Variants in CACNA2D3 observed in about 807,000 individuals in gnomAD.
CACNA2D3 encodes the protein voltage-dependent calcium channel subunit alpha-2/delta-3.
Under a neutral mutation model 160.6 loss-of-function variants are expected in CACNA2D3, and 60 were observed. The observed-to-expected ratio is 0.37, with a 90% CI of 0.30 to 0.46. The LOEUF (loss-of-function observed/expected upper bound fraction) is 0.46. Among genes scored for constraint, CACNA2D3 ranks in the 20% least tolerant of loss-of-function variants. The probability of loss-of-function intolerance (pLI) is 1.00; values close to 1 mark genes in which losing one functional copy is unlikely to be tolerated. For missense variants in CACNA2D3, 1,205 were observed against 1,365.0 expected (o/e 0.88, Z 1.85); for synonymous variants, 558 against 492.9 (o/e 1.13, Z -1.75).
At chr3:54,631,372 CTT>C (rs1699235090) in intron 10 of CACNA2D3, among the ~76,000 whole-genome samples, 1 of 152,174 alleles carries the variant, frequency 6.6e-6, no homozygotes, top group African/African-American at 2.4e-5. Flanking sequence ...TAGCTAAACT[CTT>C]TGACAAACAC....
chr3:54,511,607 T>G (rs114464300), intron 5 of CACNA2D3, among the ~76,000 whole-genome samples: 2,228 of 152,312 alleles, frequency 0.015, 41 homozygotes, highest in Middle Eastern at 0.065. Flanking sequence ...TTTAATCTCT[T>G]TTTTCAAAGG....
intron 5 of CACNA2D3, among the ~76,000 whole-genome samples, chr3:54,507,369 G>C (rs746580544): frequency 3.3e-5 from 5 of 152,112 alleles, no homozygotes; most frequent in Middle Eastern, 6.8e-3. Flanking sequence ...TTATTCCTCT[G>C]CTCTAGCATT....
intron 13 of CACNA2D3, among the ~76,000 whole-genome samples, chr3:54,815,200 A>C (rs1010301452): frequency 2.6e-5 from 4 of 152,184 alleles, no homozygotes; most frequent in Non-Finnish European, 4.4e-5. Flanking sequence ...AAGTAGGAGG[A>C]ACAAATCAGG....
intron 13 of CACNA2D3, among the ~76,000 whole-genome samples, chr3:54,794,721 G>T (rs1282847024): frequency 1.3e-5 from 2 of 151,476 alleles, no homozygotes; most frequent in African/African-American, 4.9e-5. Context: ...GAAAGTGGCT[G>T]CTCTAGGGTC....
intron 4 of CACNA2D3, among the ~76,000 whole-genome samples, chr3:54,446,609 A>G (rs1475401986): frequency 1.3e-5 from 2 of 151,936 alleles, no homozygotes; most frequent in African/African-American, 4.8e-5. Context: ...TTTTTCCCTT[A>G]AGGAGTACTG....
Position 54,130,892 on chromosome 3 carries a change from A to C in CACNA2D3, c.204+7298A>C, listed in dbSNP as rs558892946. 2.0e-5 allele frequency among the ~76,000 whole-genome samples: 3 copies of C among 152,348 alleles called. No homozygotes were observed. In the East Asian group the frequency reaches 5.8e-4, roughly 29 times the overall value. On this transcript the variant is annotated intron_variant, in intron 2 of 37. Transcript: ENST00000474759. ...TTGGAGTCAGATGGGCTTGGATTTGAGTCCCAGATCTGACATTTCCTCTTC... is the reference window on the plus strand; with the variant it reads ...TTGGAGTCAGATGGGCTTGGATTTGCGTCCCAGATCTGACATTTCCTCTTC...
chr3:54,324,999 A>C (rs972649420), intron 3 of CACNA2D3, among the ~76,000 whole-genome samples: 2 of 152,122 alleles, frequency 1.3e-5, no homozygotes, highest in African/African-American at 4.8e-5. Flanking sequence ...ATGTACCCTG[A>C]TTTGAGGGGA....
chr3:54,474,285 A>T lies in CACNA2D3; in HGVS notation c.382-29207A>T, dbSNP rs143809395. Among the ~76,000 whole-genome samples, 89 of 152,292 alleles carry T rather than the reference A, an allele frequency of 5.8e-4. 1 individual carries two copies. The highest frequency in any genetic ancestry group is 2.1e-3 in the African/African-American group (86 of 41,556). On this transcript the variant is annotated intron_variant, in intron 4 of 37. Transcript: ENST00000474759. Reference sequence around the variant, plus strand: ...AAGCTGGAAACCATCATTCTCAGCAAACTAACACGGGAACTGAAAACCAAA... The same window carrying T: ...AAGCTGGAAACCATCATTCTCAGCATACTAACACGGGAACTGAAAACCAAA...
intron 4 of CACNA2D3, among the ~76,000 whole-genome samples, chr3:54,453,685 C>G (rs1420702902): frequency 6.6e-6 from 1 of 152,152 alleles, no homozygotes; most frequent in African/African-American, 2.4e-5. Context: ...TCTCTCAATT[C>G]CTTCTTCCTC....
chr3:54,882,277 C>T (rs1163395923), intron 21 of CACNA2D3, among the ~76,000 whole-genome samples: 1 of 152,182 alleles, frequency 6.6e-6, no homozygotes. Flanking sequence ...AACTCATGGT[C>T]AGAACAATAG....
intron 11 of CACNA2D3, among the ~76,000 whole-genome samples, chr3:54,708,289 C>G (rs761959111): frequency 6.6e-6 from 1 of 152,076 alleles, no homozygotes; most frequent in Non-Finnish European, 1.5e-5. Flanking sequence ...AAGGTGTTAT[C>G]GAATTTGATG....
At position 54,503,624 on chromosome 3, in the gene CACNA2D3, G is replaced by A. The variant is rs1559499465; in HGVS notation, c.514G>A (p.Val172Ile). The change falls in exon 5 of 38, where the codon GTC (valine) becomes ATC (isoleucine). Residue 172 changes from valine to isoleucine, a missense_variant. Transcript: ENST00000474759. ...GCCTGTGAACATCAGTCTAAGTGAC[G>A]TCCAAGTACCAACGAACATGTACAA... The part of the protein sequence containing the change: ...NLPVNISLSD[V>I]QVPTNMYNKD... 3.1e-6 allele frequency: 5 copies of A among 1,613,864 alleles called. No individual in the cohort carries two copies. Among genetic ancestry groups the A allele is most frequent in the East Asian group, 2.2e-5 (1 of 44,878 alleles).
rs58859834 is a variant in CACNA2D3 at position 54,274,988 on chromosome 3, A to G, written c.205-45454A>G. ...AGGTCTAACCCACACTCATGGGAAGAGGGTTGCACAAAGGCATAAAGACCA... is the reference window on the plus strand; with the variant it reads ...AGGTCTAACCCACACTCATGGGAAGGGGGTTGCACAAAGGCATAAAGACCA... On this transcript the variant is annotated intron_variant, in intron 2 of 37. Transcript: ENST00000474759. 2.0e-3 allele frequency among the ~76,000 whole-genome samples: 310 copies of G among 152,346 alleles called. 3 individuals are homozygous for G. The East Asian group carries it at 0.024, about 12-fold the overall frequency.
rs527634302 is a variant in CACNA2D3, at chr3:54,882,738, A to G, written c.1912+1875A>G. 1.1e-4 allele frequency among the ~76,000 whole-genome samples: 17 copies of G among 152,272 alleles called. No individual in the cohort carries two copies. In the South Asian group the frequency reaches 3.3e-3, roughly 30 times the overall value. ...TAGTAGAGGATCTTGTCATCTCTCTAGGAGCCGTGGTGTATTATTGTTCTC... is the reference window on the plus strand; with the variant it reads ...TAGTAGAGGATCTTGTCATCTCTCTGGGAGCCGTGGTGTATTATTGTTCTC... On this transcript the variant is annotated intron_variant, in intron 21 of 37. Transcript: ENST00000474759.
chr3:54,151,398 G>C (rs952168397), intron 2 of CACNA2D3, among the ~76,000 whole-genome samples: 1 of 148,384 alleles, frequency 6.7e-6, no homozygotes, highest in African/African-American at 2.5e-5. Context: ...TGGATGAATA[G>C]GTAGAGGGAT....
At chr3:54,873,821 G>A (rs1376693049) in intron 18 of CACNA2D3, among the ~76,000 whole-genome samples, 1 of 152,188 alleles carries the variant, frequency 6.6e-6, no homozygotes, top group African/African-American at 2.4e-5. Context: ...TTTGACTTGG[G>A]AAAACCCAAA....
At chr3:54,949,508 G>T (rs866122666) in intron 27 of CACNA2D3, among the ~76,000 whole-genome samples, 2 of 152,286 alleles carry the variant, frequency 1.3e-5, no homozygotes, top group African/African-American at 4.8e-5. Flanking sequence ...AAATAAGCAG[G>T]TTGGGTTCAA....
intron 27 of CACNA2D3, among the ~76,000 whole-genome samples, chr3:54,955,572 G>A (rs78834273): frequency 0.014 from 2,205 of 152,282 alleles, 52 homozygotes; most frequent in African/African-American, 0.049. Flanking sequence ...CGTTGATTCT[G>A]AGGCAGCTTC....
intron 3 of CACNA2D3, among the ~76,000 whole-genome samples, chr3:54,323,698 C>A (rs1305399273): frequency 6.6e-6 from 1 of 152,256 alleles, no homozygotes; most frequent in East Asian, 1.9e-4. Context: ...GATCTCCTGA[C>A]CTCGTGATCT....
Sources: allele counts gnomAD v4.1 joint callset (sites outside exome capture counted in the v4.1 genomes callset), GRCh38; gene constraint gnomAD v4.1.1; transcripts MANE v1.5; gene names NCBI Gene and HGNC (gene_info 2026-07-23, HGNC 2026-07-21).